ETS1: variants seen among roughly 807,000 people sequenced by gnomAD.
ETS1 encodes the protein protein C-ets-1.
Under a neutral mutation model 58.6 loss-of-function variants are expected in ETS1, and 15 were observed. The ratio of observed to expected loss-of-function variants is 0.26; its 90% CI spans 0.17 to 0.39. The LOEUF is 0.39. Among genes scored for constraint, ETS1 ranks in the 10% least tolerant of loss-of-function variants. The pLI is 1.00. For synonymous variants in ETS1, 214 were observed against 218.2 expected, an observed-to-expected ratio of 0.98 and a Z score of 0.17; for missense variants, 417 against 610.5, an observed-to-expected ratio of 0.68 and a Z score of 3.34.
chr11:128,584,820 C>A (rs1443800967), intron 1 of ETS1, among the ~76,000 whole-genome samples: 1 of 145,772 alleles, frequency 6.9e-6, no homozygotes, highest in Non-Finnish European at 1.5e-5. Flanking sequence ...ATGCTAAATA[C>A]TTTATCATTT....
At chr11:128,516,577 C>A (rs1220505690) in intron 3 of ETS1, among the ~76,000 whole-genome samples, 1 of 152,182 alleles carries the variant, frequency 6.6e-6, no homozygotes, top group African/African-American at 2.4e-5. Context: ...AATGCCTTAA[C>A]CTTAAACAAG....
In ETS1 at chr11:128,531,424, G is replaced by A. The variant is rs545704178; in HGVS notation, c.214+24867C>T. Reference sequence around the variant, plus strand: ...AATCAGAATTGTGACTTCGGATTTAGTGAGCATAAAATTTTCATGAATGTT... The same window carrying A: ...AATCAGAATTGTGACTTCGGATTTAATGAGCATAAAATTTTCATGAATGTT... On this transcript the variant is annotated intron_variant, in intron 3 of 9. Coordinates refer to ENST00000392668, the MANE Select transcript of ETS1 (RefSeq NM_001143820.2). Among the ~76,000 whole-genome samples, 13 of 152,316 alleles carry A rather than the reference G, an allele frequency of 8.5e-5. No homozygotes were observed. The South Asian group carries it at 2.7e-3, about 32-fold the overall frequency.
intron 3 of ETS1, among the ~76,000 whole-genome samples, chr11:128,532,739 T>C (rs947142350): frequency 1.3e-5 from 2 of 152,138 alleles, no homozygotes; most frequent in African/African-American, 4.8e-5. Context: ...TTCTTTTCTC[T>C]TACAGAGCAG....
chr11:128,476,600 T>C (rs1862329659), intron 8 of ETS1, among the ~76,000 whole-genome samples: 1 of 152,238 alleles, frequency 6.6e-6, no homozygotes, highest in Admixed American at 6.5e-5. Flanking sequence ...CATTATATTA[T>C]TCTATACCTA....
chr11:128,583,657 A>G (rs1188552789), intron 1 of ETS1, among the ~76,000 whole-genome samples: 2 of 152,196 alleles, frequency 1.3e-5, no homozygotes, highest in Admixed American at 6.5e-5. Context: ...AAAAGACTAA[A>G]TCTCTTTTAA....
At chr11:128,575,895 C>T (rs1313830388) in intron 1 of ETS1, among the ~76,000 whole-genome samples, 3 of 152,224 alleles carry the variant, frequency 2.0e-5, no homozygotes, top group Non-Finnish European at 4.4e-5. Context: ...TTGGCAGCCA[C>T]ATCCTGAAGC....
At chr11:128,523,178 C>CA (rs1863734804) in intron 3 of ETS1, among the ~76,000 whole-genome samples, 1 of 152,148 alleles carries the variant, frequency 6.6e-6, no homozygotes, top group Non-Finnish European at 1.5e-5. Context: ...CGACCGCCAC[C>CA]AAAAAAGTGA....
intron 1 of ETS1, among the ~76,000 whole-genome samples, chr11:128,574,879 G>A (rs75713846): frequency 0.018 from 2,677 of 152,240 alleles, 32 homozygotes; most frequent in Non-Finnish European, 0.027. Flanking sequence ...TATGATAATG[G>A]CTTAACCACA....
At chr11:128,512,606 C>T (rs546016581) in intron 3 of ETS1, among the ~76,000 whole-genome samples, 15 of 152,346 alleles carry the variant, frequency 9.8e-5, no homozygotes, top group African/African-American at 3.1e-4. Flanking sequence ...GTTTCTTGTC[C>T]GGCTCCAACT....
chr11:128,585,166 AAG>A (rs1161125864), intron 1 of ETS1, among the ~76,000 whole-genome samples: 698 of 24,136 alleles, frequency 0.029, 93 homozygotes, highest in Admixed American at 0.037. Flanking sequence ...GAAAGAAAGA[AAG>A]AGAAAGAAAG....
At position 128,480,276 on chromosome 11, in the gene ETS1, G is replaced by A. The variant is rs759155130; in HGVS notation, c.1038C>T (p.Gly346=). 1.2e-6 allele frequency: 2 copies of A among 1,614,132 alleles called. No individual in the cohort carries two copies. The highest frequency in any genetic ancestry group is 2.2e-5 in the South Asian group (2 of 91,078). The stretch of plus-strand genomic sequence containing the variant: ...GGTCCCGCACATAGTCCTTGAAGGT[G>A]CCCTTGGGCTTGTGGTTGGGCAGGG... The part of the protein sequence containing the change: ...PAALPNHKPK[G]TFKDYVRDRA... Residue 346 remains glycine, a synonymous_variant, in exon 8 of 10, where the codon GGC becomes GGT. Coordinates refer to ENST00000392668, the MANE Select transcript of ETS1 (RefSeq NM_001143820.2).
intron 3 of ETS1, among the ~76,000 whole-genome samples, chr11:128,528,446 A>T (rs1863840114): frequency 6.6e-6 from 1 of 152,202 alleles, no homozygotes; most frequent in East Asian, 1.9e-4. Context: ...AATTTCCCTC[A>T]CAGAAGCTGT....
chr11:128,506,709 A>G (rs1167529102), intron 3 of ETS1, among the ~76,000 whole-genome samples: 2 of 152,104 alleles, frequency 1.3e-5, no homozygotes, highest in Admixed American at 1.3e-4. Flanking sequence ...AATCCTTGTG[A>G]GATGGAAGCC....
chr11:128,522,008 G>A (rs374394202), intron 3 of ETS1: 1 of 1,580,518 alleles, frequency 6.3e-7, no homozygotes. Context: ...GCCAGGAGTG[G>A]GGGACGTACG....
chr11:128,527,145 T>C (rs1399050825), intron 3 of ETS1: 3 of 352,316 alleles, frequency 8.5e-6, no homozygotes, highest in Non-Finnish European at 1.7e-5. Flanking sequence ...ACTGGATGTA[T>C]TGTCTTTGGG....
intron 2 of ETS1, among the ~76,000 whole-genome samples, chr11:128,569,533 T>C (rs1864584572): frequency 6.6e-6 from 1 of 151,794 alleles, no homozygotes; most frequent in Non-Finnish European, 1.5e-5. Context: ...CAGGGTATCT[T>C]AGATTGCAAC....
At chr11:128,493,428 C>T (rs1240334926) in intron 3 of ETS1, among the ~76,000 whole-genome samples, 1 of 152,208 alleles carries the variant, frequency 6.6e-6, no homozygotes, top group Non-Finnish European at 1.5e-5. Context: ...TTACTTTTGC[C>T]TTTCCACCTC....
chr11:128,574,286 T>C (rs1864698186), intron 1 of ETS1, among the ~76,000 whole-genome samples: 1 of 152,256 alleles, frequency 6.6e-6, no homozygotes, highest in African/African-American at 2.4e-5. Flanking sequence ...AACTATACTT[T>C]GTGTTTTTAA....
At chr11:128,560,393 G>A (rs7111210) in intron 2 of ETS1, among the ~76,000 whole-genome samples, 130,826 of 152,250 alleles carry the variant, frequency 0.86, 56,384 homozygotes, top group East Asian at 1. Context: ...GATTACAGGC[G>A]TGAGCCACCG....
Sources: gnomAD v4.1 joint callset for allele counts (sites outside exome capture counted in the v4.1 genomes callset) on GRCh38, gnomAD v4.1.1 for gene constraint, MANE v1.5 for transcripts, NCBI Gene and HGNC (gene_info 2026-07-23, HGNC 2026-07-21) for gene names.